Variants in TAFA2 observed in about 807,000 individuals in gnomAD.
TAFA2 encodes the protein TAFA chemokine like family member 2.
In TAFA2, 7 loss-of-function variants were observed where a neutral mutation model predicts 18.8. That is an observed-to-expected ratio of 0.37 (90% CI 0.21 to 0.70). The LOEUF (loss-of-function observed/expected upper bound fraction) is 0.70, where lower values mean the gene tolerates loss of function less well. TAFA2 is among the 30% of genes least tolerant of loss of function. The pLI is 0.53. For synonymous variants in TAFA2, 60 were observed against 54.2 expected, an observed-to-expected ratio of 1.11 and a Z score of -0.47; for missense variants, 122 against 158.1, an observed-to-expected ratio of 0.77 and a Z score of 1.23.
chr12:61,759,295 C>G (rs1869424439), intron 2 of TAFA2, among the ~76,000 whole-genome samples: 1 of 152,028 alleles, frequency 6.6e-6, no homozygotes, highest in Admixed American at 6.6e-5. Context: ...TGTACTTCAC[C>G]ACTCCATTTA....
At chr12:61,886,447 G>C (rs908866850) in intron 1 of TAFA2, among the ~76,000 whole-genome samples, 1 of 152,092 alleles carries the variant, frequency 6.6e-6, no homozygotes, top group Non-Finnish European at 1.5e-5. Context: ...TCCAGACAAC[G>C]TTTCTTCACA....
chr12:61,914,883 C>T (rs1197910986), intron 1 of TAFA2, among the ~76,000 whole-genome samples: 1 of 152,080 alleles, frequency 6.6e-6, no homozygotes, highest in Non-Finnish European at 1.5e-5. Context: ...GATGTGTTGG[C>T]CGGGCACAGT....
chr12:61,979,291 AGT>A (rs537988064), intron 1 of TAFA2, among the ~76,000 whole-genome samples: 79 of 152,278 alleles, frequency 5.2e-4, no homozygotes, highest in African/African-American at 1.8e-3. Context: ...CCAATAACTC[AGT>A]GGAATTGCTG....
At chr12:61,832,024 T>C (rs1271653178) in intron 2 of TAFA2, among the ~76,000 whole-genome samples, 1 of 152,106 alleles carries the variant, frequency 6.6e-6, no homozygotes, top group African/African-American at 2.4e-5. Context: ...TATGGCAACT[T>C]GTAATTTCAA....
chr12:62,240,640 A>T (rs1199656533), intron 1 of TAFA2, among the ~76,000 whole-genome samples: 1 of 152,136 alleles, frequency 6.6e-6, no homozygotes, highest in Non-Finnish European at 1.5e-5. Flanking sequence ...CAATTATTTT[A>T]TTCAAATTTT....
chr12:61,964,041 A>T (rs1294776321), intron 1 of TAFA2, among the ~76,000 whole-genome samples: 1 of 151,858 alleles, frequency 6.6e-6, no homozygotes, highest in Non-Finnish European at 1.5e-5. Context: ...ACTAAAACTC[A>T]ACCCCTTCCT....
intron 2 of TAFA2, among the ~76,000 whole-genome samples, chr12:61,827,835 G>T (rs987163362): frequency 6.6e-5 from 10 of 152,052 alleles, no homozygotes; most frequent in African/African-American, 2.4e-4. Flanking sequence ...CTTTGGGGAA[G>T]TTTGAATTTC....
chr12:61,926,352 G>A lies in TAFA2; in HGVS notation c.-1-58926C>T, dbSNP rs140951810. ...CTCCGTAACTCATTTTATGAGGCCA[G>A]TATCATCCTGATACCAAAACCTGGC... On this transcript the variant is annotated intron_variant, in intron 1 of 4. Transcript: ENST00000416284. Among the ~76,000 whole-genome samples the A allele has an allele frequency of 7.4e-3, 1,123 of 152,288 alleles. 17 individuals carry two copies. Among genetic ancestry groups the A allele is most frequent in the African/African-American group, 0.026 (1,067 of 41,554 alleles).
At chr12:61,783,105 T>C (rs1261398679) in intron 2 of TAFA2, among the ~76,000 whole-genome samples, 1 of 151,660 alleles carries the variant, frequency 6.6e-6, no homozygotes, top group African/African-American at 2.4e-5. Flanking sequence ...ATAAGTTGTT[T>C]GAAAACTAGC....
chr12:61,974,586 T>G (rs1879364377), intron 1 of TAFA2, among the ~76,000 whole-genome samples: 1 of 151,858 alleles, frequency 6.6e-6, no homozygotes, highest in East Asian at 1.9e-4. Context: ...TTAGATGTGC[T>G]GTCAGATGGG....
intron 4 of TAFA2, among the ~76,000 whole-genome samples, chr12:61,748,943 G>A (rs1442046710): frequency 6.6e-6 from 1 of 151,854 alleles, no homozygotes; most frequent in Non-Finnish European, 1.5e-5. Flanking sequence ...TCCAGTGTTT[G>A]TTGTCAATAG....
At chr12:61,972,075 T>G (rs1005718700) in intron 1 of TAFA2, among the ~76,000 whole-genome samples, 1 of 151,726 alleles carries the variant, frequency 6.6e-6, no homozygotes, top group Non-Finnish European at 1.5e-5. Context: ...GTTTGTTTGT[T>G]TGTTTTTAAC....
At chr12:61,880,031 T>G (rs1875048568) in intron 1 of TAFA2, 3 of 720,454 alleles carry the variant, frequency 4.2e-6, no homozygotes. Flanking sequence ...GGAGCTGCAG[T>G]CCCTGATCTC....
At chr12:61,742,669 T>C (rs1020590592) in intron 4 of TAFA2, among the ~76,000 whole-genome samples, 1 of 152,154 alleles carries the variant, frequency 6.6e-6, no homozygotes, top group Admixed American at 6.6e-5. Context: ...TCCAGATTTC[T>C]ATCTTGACCT....
At chr12:62,160,470 C>T (rs1037172796) in intron 1 of TAFA2, among the ~76,000 whole-genome samples, 16 of 152,206 alleles carry the variant, frequency 1.1e-4, no homozygotes, top group South Asian at 4.1e-4. Flanking sequence ...TCCTAGTAAA[C>T]TGTGACCTCT....
chr12:61,793,680 A>T (rs1213985171), intron 2 of TAFA2, among the ~76,000 whole-genome samples: 1 of 151,846 alleles, frequency 6.6e-6, no homozygotes, highest in Non-Finnish European at 1.5e-5. Context: ...GGAAGAAATT[A>T]TACCAATTCT....
At chr12:61,717,530 T>C (rs948906195) in intron 4 of TAFA2, among the ~76,000 whole-genome samples, 9 of 152,204 alleles carry the variant, frequency 5.9e-5, no homozygotes, top group African/African-American at 1.9e-4. Flanking sequence ...TTTAACACTT[T>C]GAGATATGTT....
intron 1 of TAFA2, among the ~76,000 whole-genome samples, chr12:61,889,646 TTATTATTTTAA>T (rs551176795): frequency 9.1e-4 from 138 of 152,316 alleles, no homozygotes; most frequent in African/African-American, 3.1e-3. Context: ...TAGAACAAAA[TTATTATTTTAA>T]TATTATTTTA....
chr12:61,969,096 G>A (rs780703533), intron 1 of TAFA2, among the ~76,000 whole-genome samples: 10 of 151,654 alleles, frequency 6.6e-5, no homozygotes, highest in Admixed American at 1.3e-4. Context: ...TTTCGAATAC[G>A]TTGTAAGTTC....
Sources: gnomAD v4.1 joint callset for allele counts (sites outside exome capture counted in the v4.1 genomes callset) on GRCh38, gnomAD v4.1.1 for gene constraint, MANE v1.5 for transcripts, NCBI Gene and HGNC (gene_info 2026-07-23, HGNC 2026-07-21) for gene names.